PDCD1LG2: variants seen among roughly 807,000 people sequenced by gnomAD.
PDCD1LG2 encodes B7 dendritic cell molecule.
Under a neutral mutation model 28.2 loss-of-function variants are expected in PDCD1LG2, and 32 were observed. That is an observed-to-expected ratio of 1.13 (90% CI 0.86 to 1.52). PDCD1LG2 has a LOEUF of 1.52. PDCD1LG2 is among the 40% of genes most tolerant of loss of function. The probability of loss-of-function intolerance (pLI) is 0.00; values close to 1 mark genes in which losing one functional copy is unlikely to be tolerated. For synonymous variants in PDCD1LG2, 116 were observed against 120.2 expected (o/e 0.97, Z 0.23); for missense variants, 385 against 323.8 (o/e 1.19, Z -1.45).
chr9:5,555,552 G>A (rs1434977011), intron 4 of PDCD1LG2, among the ~76,000 whole-genome samples: 2 of 152,252 alleles, frequency 1.3e-5, no homozygotes, highest in African/African-American at 4.8e-5. Flanking sequence ...ACAGTGAGAA[G>A]CGAGACAGAA....
chr9:5,557,693 T>C lies in PDCD1LG2; in HGVS notation c.707T>C (p.Phe236Ser). 3 of 1,613,872 alleles carry C rather than the reference T, an allele frequency of 1.9e-6. No individual in the cohort carries two copies. Among genetic ancestry groups the C allele is most frequent in the Non-Finnish European group, 2.5e-6 (3 of 1,179,762 alleles). Residue 236 changes from phenylalanine (F) to serine (S), a missense_variant, in exon 5 of 7, where the codon TTC becomes TCC. Coordinates refer to ENST00000397747, the MANE Select transcript of PDCD1LG2 (RefSeq NM_025239.4). Reference protein sequence around the residue: ...FIPFCIIAFIFIATVIALRKQ... With the variant: ...FIPFCIIAFISIATVIALRKQ... ...CCCTTCTGCATCATTGCTTTCATTTTCATAGCCACAGTGATAGCCCTAAGA... is the reference window on the plus strand; with the variant it reads ...CCCTTCTGCATCATTGCTTTCATTTCCATAGCCACAGTGATAGCCCTAAGA...
At chr9:5,527,910 C>A (rs765467419) in intron 2 of PDCD1LG2, among the ~76,000 whole-genome samples, 2 of 152,116 alleles carry the variant, frequency 1.3e-5, no homozygotes, top group Non-Finnish European at 2.9e-5. Flanking sequence ...CTTACTGCAA[C>A]CTCCGCCTCC....
intron 3 of PDCD1LG2, among the ~76,000 whole-genome samples, chr9:5,547,035 G>C (rs1816224274): frequency 6.6e-6 from 1 of 152,204 alleles, no homozygotes; most frequent in Non-Finnish European, 1.5e-5. Flanking sequence ...CACAACACAG[G>C]AGGGGAACAG....
intron 6 of PDCD1LG2, among the ~76,000 whole-genome samples, chr9:5,567,993 A>T (rs1816697817): frequency 6.6e-6 from 1 of 152,192 alleles, no homozygotes; most frequent in African/African-American, 2.4e-5. Context: ...TCCACCTGAG[A>T]ACTGACCACA....
chr9:5,551,728 C>T (rs1816337767), intron 4 of PDCD1LG2, among the ~76,000 whole-genome samples: 1 of 152,136 alleles, frequency 6.6e-6, no homozygotes, highest in South Asian at 2.1e-4. Flanking sequence ...GTAAGCCTAA[C>T]TAGAATTCTA....
chr9:5,567,517 C>G (rs766024136), intron 6 of PDCD1LG2, among the ~76,000 whole-genome samples: 1 of 152,198 alleles, frequency 6.6e-6, no homozygotes, highest in Non-Finnish European at 1.5e-5. Context: ...TATATATCAT[C>G]TATCCTTTAC....
chr9:5,536,403 A>G (rs1233672064), intron 3 of PDCD1LG2, among the ~76,000 whole-genome samples: 2 of 152,228 alleles, frequency 1.3e-5, no homozygotes. Flanking sequence ...AGTCACCAGG[A>G]AAGCCATTAG....
chr9:5,562,091 G>C (rs547958842), intron 5 of PDCD1LG2, among the ~76,000 whole-genome samples: 1 of 152,290 alleles, frequency 6.6e-6, no homozygotes, highest in Admixed American at 6.5e-5. Flanking sequence ...GCAGAATTAG[G>C]AATGGACTGA....
Position 5,563,182 on chromosome 9 carries a change from A to AC in PDCD1LG2, c.789dup (p.Thr264HisfsTer20). 4.3e-6 allele frequency: 7 copies of AC among 1,612,706 alleles called. No individual in the cohort carries two copies. The highest frequency in any genetic ancestry group is 5.9e-6 in the Non-Finnish European group (7 of 1,178,874). ...TTCAGACACAACAAAAAGACCTGTC[A>AC]CCACAACAAAGAGGGAAGTGAACAG... On this transcript the variant is annotated frameshift_variant, in exon 6 of 7. Coordinates refer to ENST00000397747, the MANE Select transcript of PDCD1LG2 (RefSeq NM_025239.4). LOFTEE classifies it high-confidence loss of function.
chr9:5,546,452 G>C (rs1295740570), intron 3 of PDCD1LG2, among the ~76,000 whole-genome samples: 1 of 152,048 alleles, frequency 6.6e-6, no homozygotes, highest in Non-Finnish European at 1.5e-5. Context: ...GAGAGATAAA[G>C]TGAGTACTCG....
At chr9:5,555,476 A>T (rs1211026592) in intron 4 of PDCD1LG2, among the ~76,000 whole-genome samples, 3 of 152,238 alleles carry the variant, frequency 2.0e-5, no homozygotes, top group Non-Finnish European at 4.4e-5. Context: ...CAAGAATTTT[A>T]AAACAACTTA....
At chr9:5,524,142 C>A (rs1820327645) in intron 2 of PDCD1LG2, among the ~76,000 whole-genome samples, 1 of 152,186 alleles carries the variant, frequency 6.6e-6, no homozygotes, top group Non-Finnish European at 1.5e-5. Context: ...TCACAATGAT[C>A]ATTTTGCAGG....
At position 5,570,639 on chromosome 9, in the gene PDCD1LG2, G is replaced by C. The variant is rs1816752499; in HGVS notation, c.*680G>C. 1.7e-5 allele frequency: 4 copies of C among 232,108 alleles called. No homozygotes were observed. The highest frequency in any genetic ancestry group is 6.6e-5 in the African/African-American group (3 of 45,210). 14.4% of individuals were successfully genotyped at this position (232,108 alleles called of 1,614,324 possible). ...AACCTGTAATGGCACCATGTTTAAT[G>C]GTGGTTTTTTTTTTGAACTACATCT... On this transcript the variant is annotated 3_prime_UTR_variant, in exon 7 of 7. Coordinates refer to ENST00000397747, the MANE Select transcript of PDCD1LG2 (RefSeq NM_025239.4).
At chr9:5,565,830 G>T (rs1442959917) in intron 6 of PDCD1LG2, among the ~76,000 whole-genome samples, 1 of 151,952 alleles carries the variant, frequency 6.6e-6, no homozygotes, top group Non-Finnish European at 1.5e-5. Context: ...TTTAATTTTA[G>T]TTGAGTCTAT....
Position 5,570,810 on chromosome 9 carries a change from C to G in PDCD1LG2, c.*851C>G, listed in dbSNP as rs1332484897. ...AAATGGCCAAAGCCCCAAACTAAGC[C>G]TCCTTTTCTGGCCCTCAATATGACT... On this transcript the variant is annotated 3_prime_UTR_variant, in exon 7 of 7. Coordinates refer to ENST00000397747, the MANE Select transcript of PDCD1LG2 (RefSeq NM_025239.4). The G allele has an allele frequency of 8.6e-6, 2 of 232,716 alleles. No homozygotes were observed. Among genetic ancestry groups the G allele is most frequent in the Admixed American group, 5.6e-5 (1 of 17,774 alleles). 14.4% of individuals were successfully genotyped at this position (232,716 alleles called of 1,614,324 possible).
intron 1 of PDCD1LG2, among the ~76,000 whole-genome samples, chr9:5,515,251 A>G (rs60702531): frequency 0.32 from 48,664 of 152,096 alleles, 7,931 homozygotes; most frequent in Admixed American, 0.39. Context: ...AGACATCAAT[A>G]AACATATTTA....
intron 6 of PDCD1LG2, among the ~76,000 whole-genome samples, chr9:5,565,693 AT>A (rs1304176725): frequency 6.6e-6 from 1 of 152,186 alleles, no homozygotes; most frequent in African/African-American, 2.4e-5. Flanking sequence ...ACTATATGGT[AT>A]TTGATATTTG....
At chr9:5,557,361 C>G (rs935592956) in intron 4 of PDCD1LG2, among the ~76,000 whole-genome samples, 1 of 152,220 alleles carries the variant, frequency 6.6e-6, no homozygotes, top group South Asian at 2.1e-4. Flanking sequence ...TACTATGTAA[C>G]TTAGGGAAAG....
intron 6 of PDCD1LG2, among the ~76,000 whole-genome samples, chr9:5,568,516 A>G (rs986364231): frequency 6.6e-6 from 1 of 152,328 alleles, no homozygotes; most frequent in Admixed American, 6.5e-5. Flanking sequence ...CACCCAATCC[A>G]TGGAAAAATT....
Sources: allele counts gnomAD v4.1 joint callset (sites outside exome capture counted in the v4.1 genomes callset), GRCh38; gene constraint gnomAD v4.1.1; transcripts MANE v1.5; gene names NCBI Gene and HGNC (gene_info 2026-07-23, HGNC 2026-07-21).